Variants in OTULIN observed in about 807,000 individuals in gnomAD.
OTULIN encodes OTU deubiquitinase with linear linkage specificity.
A neutral mutation model predicts 39.6 loss-of-function variants in OTULIN; 15 were observed. That is an observed-to-expected ratio of 0.38 (90% CI 0.25 to 0.58). The LOEUF (loss-of-function observed/expected upper bound fraction) is 0.58. Ranked by LOEUF, OTULIN falls within the 20% of genes least tolerant of loss-of-function variation. OTULIN has a pLI of 0.66. For synonymous variants in OTULIN, 156 were observed against 170.3 expected (o/e 0.92, Z 0.65); for missense variants, 319 against 445.9 (o/e 0.72, Z 2.56).
downstream of OTULIN, among the ~76,000 whole-genome samples, chr5:14,703,144 T>G (rs1411181095): frequency 6.6e-6 from 1 of 152,068 alleles, no homozygotes; most frequent in Non-Finnish European, 1.5e-5. Flanking sequence ...GAATGAGGAC[T>G]CACAGCTCCT....
At chr5:14,701,760 T>G (rs1040825531), downstream of OTULIN, among the ~76,000 whole-genome samples, 3 of 152,146 alleles carry the variant, frequency 2.0e-5, no homozygotes, top group African/African-American at 7.2e-5. Flanking sequence ...TGTCGTCCTC[T>G]CTGGCTGGGT....
At chr5:14,701,142 G>GCC (rs1736788536), downstream of OTULIN, among the ~76,000 whole-genome samples, 1 of 152,174 alleles carries the variant, frequency 6.6e-6, no homozygotes, top group Non-Finnish European at 1.5e-5. Context: ...AATCTTTGAG[G>GCC]CCCCCTCTGT....
At chr5:14,685,463 C>G (rs1044272573) in intron 4 of OTULIN, among the ~76,000 whole-genome samples, 6 of 152,184 alleles carry the variant, frequency 3.9e-5, no homozygotes, top group African/African-American at 1.4e-4. Flanking sequence ...TACGTGTGTT[C>G]CATGTGCTGT....
the OTULIN span, chr5:14,713,041 A>G: frequency 6.8e-7 from 1 of 1,465,704 alleles, no homozygotes; most frequent in Non-Finnish European, 9.4e-7. The surrounding 1 kb of genome is among the most constrained non-coding windows in gnomAD (Gnocchi z 4.4). Flanking sequence ...TCGATGCCAA[A>G]ACCCAGGAAA....
rs77974840 is a variant in OTULIN at position 14,688,057 on chromosome 5, T to C, written c.594+411T>C. The C allele has an allele frequency of 6.4e-3, 979 of 152,698 alleles. 59 individuals are homozygous for C. The East Asian group carries it at 0.14, about 22-fold the overall frequency. The allele number at this position is 152,698 out of a possible 1,614,324, so 9.5% of individuals were successfully genotyped here. A position where few individuals can be genotyped will look rare whatever the true frequency, so the allele number is the denominator to read the frequency against. On this transcript the variant is annotated intron_variant, in intron 5 of 6. Transcript: ENST00000284274. ...CCATATTTATCAGACTTATTTTCTT[T>C]CTCCGTGATTTTCCAGTTAGTAGAT...
intron 3 of OTULIN, 135 bp downstream of exon 3, chr5:14,678,910 G>T: frequency 1.9e-6 from 1 of 522,160 alleles, no homozygotes; most frequent in Non-Finnish European, 3.3e-6. Context: ...TAATTTTAGA[G>T]TTAAGGAAAT....
At chr5:14,686,089 A>G (rs140692067) in intron 4 of OTULIN, among the ~76,000 whole-genome samples, 1 of 152,226 alleles carries the variant, frequency 6.6e-6, no homozygotes, top group African/African-American at 2.4e-5. Flanking sequence ...TCACAGTGAA[A>G]AGTAATTTAC....
downstream of OTULIN, among the ~76,000 whole-genome samples, chr5:14,701,956 T>C (rs1736804140): frequency 6.6e-6 from 1 of 152,182 alleles, no homozygotes; most frequent in Admixed American, 6.5e-5. Flanking sequence ...GGTTGTGTGA[T>C]GCAGAATTCT....
At chr5:14,686,438 A>G (rs1736390245) in intron 4 of OTULIN, among the ~76,000 whole-genome samples, 1 of 152,008 alleles carries the variant, frequency 6.6e-6, no homozygotes, top group Non-Finnish European at 1.5e-5. Context: ...GTAGCTGGGA[A>G]TACAGGTACA....
At chr5:14,713,420 T>A in the OTULIN span, 1 of 1,390,420 alleles carries the variant, frequency 7.2e-7, no homozygotes, top group Non-Finnish European at 1.0e-6. This position sits in a 1 kb window ranked among gnomAD's most constrained non-coding sequence, Gnocchi z 4.4. Flanking sequence ...ACACAAAACA[T>A]CATTCTGAAT....
the OTULIN span, chr5:14,713,552 G>A: frequency 6.2e-7 from 1 of 1,614,198 alleles, no homozygotes; most frequent in East Asian, 2.2e-5. The surrounding 1 kb of genome is among the most constrained non-coding windows in gnomAD (Gnocchi z 4.4). Flanking sequence ...ACCCCAGGTA[G>A]GGTAGGACCA....
In OTULIN at chr5:14,697,364, A is replaced by G. The variant is rs980270222; in HGVS notation, c.*4316A>G. 6.6e-6 allele frequency: 1 copy of G among 151,894 alleles called. No homozygotes were observed. The highest frequency in any genetic ancestry group is 1.5e-5 in the Non-Finnish European group (1 of 67,998). The allele number at this position is 151,894 out of a possible 1,614,324, so 9.4% of individuals were successfully genotyped here. On this transcript the variant is annotated 3_prime_UTR_variant, in exon 7 of 7. Coordinates refer to ENST00000284274, the MANE Select transcript of OTULIN (RefSeq NM_138348.6). The stretch of plus-strand genomic sequence containing the variant: ...GCTAATTTTTGTATTTTTAGTAGAG[A>G]TGGGGTTTTACCATGTTGGCCAGGC...
the OTULIN span, among the ~76,000 whole-genome samples, chr5:14,715,438 C>A: frequency 6.6e-6 from 1 of 152,190 alleles, no homozygotes; most frequent in Non-Finnish European, 1.5e-5. Context: ...GCCCATGGCT[C>A]CTTTCTTAAC....
chr5:14,691,967 A>G (rs1177754126), intron 6 of OTULIN, among the ~76,000 whole-genome samples: 2 of 152,196 alleles, frequency 1.3e-5, no homozygotes, highest in Non-Finnish European at 2.9e-5. Flanking sequence ...GTATGGATGG[A>G]TCACATTTTA....
chr5:14,716,055 G>T, the OTULIN span, among the ~76,000 whole-genome samples: 5 of 151,916 alleles, frequency 3.3e-5, no homozygotes, highest in African/African-American at 9.7e-5. Context: ...TGGCTTTTTG[G>T]TGCACAGTTT....
In OTULIN at chr5:14,681,594, C is replaced by T. The variant is rs547080675; in HGVS notation, c.455C>T (p.Pro152Leu). The T allele has an allele frequency of 3.2e-5, 51 of 1,611,754 alleles. No homozygotes were observed. The highest frequency in any genetic ancestry group is 3.6e-5 in the Non-Finnish European group (42 of 1,179,464). Residue 152 changes from proline to leucine, a missense_variant, in exon 4 of 7, where the codon CCG becomes CTG. By Grantham distance (98) the Pro-to-Leu change is moderately conservative. Coordinates refer to ENST00000284274, the MANE Select transcript of OTULIN (RefSeq NM_138348.6). ...AVGLPPWLQD[P>L]ELMLLPEKLI... Reference sequence around the variant, plus strand: ...GGGCTGCCGCCCTGGCTGCAGGACCCGGAGCTCATGCTGGTACGCTGCTGC... The same window carrying T: ...GGGCTGCCGCCCTGGCTGCAGGACCTGGAGCTCATGCTGGTACGCTGCTGC...
chr5:14,675,567 G>A (rs1445962131), intron 2 of OTULIN, among the ~76,000 whole-genome samples: 1 of 152,208 alleles, frequency 6.6e-6, no homozygotes, highest in Non-Finnish European at 1.5e-5. Context: ...AGAAGAAAGT[G>A]TGTATTCAGC....
At chr5:14,714,407 C>T in the OTULIN span, among the ~76,000 whole-genome samples, 3 of 152,242 alleles carry the variant, frequency 2.0e-5, no homozygotes, top group Admixed American at 1.3e-4. Flanking sequence ...CCATCTGAAA[C>T]TGGAAAGGCT....
chr5:14,679,229 AC>A (rs1363080427), intron 3 of OTULIN, among the ~76,000 whole-genome samples: 4 of 152,160 alleles, frequency 2.6e-5, no homozygotes, highest in African/African-American at 9.7e-5. Flanking sequence ...GGAATCAGGA[AC>A]TGCTCCCTTC....
Sources: allele counts gnomAD v4.1 joint callset (sites outside exome capture counted in the v4.1 genomes callset), GRCh38; gene constraint gnomAD v4.1.1; non-coding constraint Gnocchi (gnomAD v3.1); transcripts MANE v1.5; gene names NCBI Gene and HGNC (gene_info 2026-07-23, HGNC 2026-07-21).